Variants in UVSSA observed in about 807,000 individuals in gnomAD.
UVSSA encodes the protein UV stimulated scaffold protein A.
A neutral mutation model predicts 73.9 loss-of-function variants in UVSSA; 72 were observed. The ratio of observed to expected loss-of-function variants is 0.97; its 90% CI spans 0.81 to 1.19. UVSSA has a LOEUF of 1.19. Ranked by LOEUF, UVSSA falls within the 50% of genes most tolerant of loss-of-function variation. UVSSA has a pLI of 0.00. For missense variants in UVSSA, 1,150 were observed against 965.0 expected (o/e 1.19, Z -2.54); for synonymous variants, 454 against 391.3 (o/e 1.16, Z -1.89).
chr4:1,345,675 G>T (rs953295312), upstream of UVSSA, among the ~76,000 whole-genome samples: 3 of 114,070 alleles, frequency 2.6e-5, no homozygotes, highest in East Asian at 2.3e-4. Context: ...AAAAAAAAAA[G>T]GCTGCAGGGC....
chr4:1,376,306 A>C, intron 10 of UVSSA, 138 bp downstream of exon 10: 3 of 1,319,378 alleles, frequency 2.3e-6, no homozygotes, highest in Non-Finnish European at 3.0e-6. Flanking sequence ...CCTTCCGGGC[A>C]CCTGGAGGGG....
intron 2 of UVSSA, among the ~76,000 whole-genome samples, chr4:1,349,165 C>G (rs1714260427): frequency 6.9e-6 from 1 of 145,452 alleles, no homozygotes; most frequent in East Asian, 1.9e-4. Flanking sequence ...TGCTGTAATG[C>G]CTCAGTTGTG....
At chr4:1,374,840 T>C (rs1442152723) in intron 8 of UVSSA, 1 of 154,208 alleles carries the variant, frequency 6.5e-6, no homozygotes, top group Non-Finnish European at 1.4e-5. Context: ...CAGCGTGAGA[T>C]GTGGGTTGAA....
intron 7 of UVSSA, among the ~76,000 whole-genome samples, chr4:1,364,612 T>C (rs1487938154): frequency 5.3e-5 from 8 of 152,196 alleles, no homozygotes; most frequent in Middle Eastern, 3.2e-3. Flanking sequence ...TTTTCTCTTA[T>C]AAACCCATTA....
chr4:1,343,944 C>G (rs1713518186), upstream of UVSSA, among the ~76,000 whole-genome samples: 2 of 152,166 alleles, frequency 1.3e-5, no homozygotes, highest in African/African-American at 4.8e-5. Context: ...GCTTTTACAT[C>G]ACCTCAGTTT....
intron 10 of UVSSA, among the ~76,000 whole-genome samples, chr4:1,377,791 G>A (rs946884830): frequency 6.6e-6 from 1 of 152,268 alleles, no homozygotes; most frequent in Non-Finnish European, 1.5e-5. Context: ...TCAGCACCAC[G>A]CACCTGGTGC....
Position 1,395,845 on chromosome 4 carries a change from T to G in UVSSA, c.*9884T>G. The G allele has an allele frequency of 1.9e-6, 3 of 1,613,228 alleles. No individual in the cohort carries two copies. In the South Asian group the frequency reaches 3.3e-5, roughly 18 times the overall value. The stretch of plus-strand genomic sequence containing the variant: ...TTTTATATTTCTCTGCACCTCGAGA[T>G]AACGTAGGAATATTAGGGATGAGAT... On this transcript the variant is annotated 3_prime_UTR_variant, in exon 14 of 14. Coordinates refer to the UVSSA transcript ENST00000511216.
At chr4:1,373,330 A>G (rs1313227643) in intron 8 of UVSSA, among the ~76,000 whole-genome samples, 1 of 152,182 alleles carries the variant, frequency 6.6e-6, no homozygotes, top group Non-Finnish European at 1.5e-5. Context: ...GCACGGGAGA[A>G]TAGATGTAGG....
intron 4 of UVSSA, 137 bp downstream of exon 4, chr4:1,351,972 C>G (rs1714830311): frequency 7.2e-7 from 1 of 1,395,674 alleles, no homozygotes; most frequent in Non-Finnish European, 9.6e-7. Flanking sequence ...GGATTCAGGT[C>G]GGGCCGGAAG....
chr4:1,377,411 C>T (rs561534470), intron 10 of UVSSA, among the ~76,000 whole-genome samples: 10 of 152,296 alleles, frequency 6.6e-5, no homozygotes, highest in Non-Finnish European at 7.4e-5. Flanking sequence ...TCCACAGACA[C>T]CGCCCCTAGT....
chr4:1,368,029 G>A (rs951182340), intron 8 of UVSSA, among the ~76,000 whole-genome samples: 8 of 152,272 alleles, frequency 5.3e-5, no homozygotes, highest in Non-Finnish European at 7.3e-5. Flanking sequence ...GGACCAGGCC[G>A]TGGGTCCAGC....
At chr4:1,371,741 G>A (rs1379860164) in intron 8 of UVSSA, among the ~76,000 whole-genome samples, 3 of 152,278 alleles carry the variant, frequency 2.0e-5, no homozygotes, top group Non-Finnish European at 2.9e-5. Context: ...GGGACAGCAC[G>A]GGGAAGACCC....
At chr4:1,375,132 A>T in intron 8 of UVSSA, 1 of 611,832 alleles carries the variant, frequency 1.6e-6, no homozygotes, top group Non-Finnish European at 2.8e-6. Context: ...CGTGGCCACA[A>T]GGCGGGACTG....
chr4:1,353,808 T>G (rs556467504), intron 5 of UVSSA, among the ~76,000 whole-genome samples: 61 of 152,306 alleles, frequency 4.0e-4, no homozygotes, highest in African/African-American at 1.4e-3. Flanking sequence ...CTCACAGGCC[T>G]GTCAGGGTCC....
intron 7 of UVSSA, among the ~76,000 whole-genome samples, chr4:1,360,486 G>A (rs1037343661): frequency 6.6e-6 from 1 of 152,116 alleles, no homozygotes; most frequent in African/African-American, 2.4e-5. Flanking sequence ...GAGAAGCTGT[G>A]TAGGCCCCGG....
rs915382626 is a variant in UVSSA at position 1,354,983 on chromosome 4, G to A, written c.1048-134G>A. 3.2e-5 allele frequency: 49 copies of A among 1,527,302 alleles called. No individual in the cohort carries two copies. The Admixed American group carries it at 7.8e-4, about 24-fold the overall frequency. The allele number at this position is 1,527,302 out of a possible 1,614,324, so 94.6% of individuals were successfully genotyped here. A position where few individuals can be genotyped will look rare whatever the true frequency, so the allele number is the denominator to read the frequency against. On this transcript the variant is annotated intron_variant, in intron 6 of 13. Transcript: ENST00000389851. ...CCCGCGAGGGCTCTGTCCCTCACCC[G>A]CAGCTTTGTCCTCTGCATCCCAGGT...
chr4:1,364,237 G>A (rs1717010338), intron 7 of UVSSA, among the ~76,000 whole-genome samples: 1 of 85,118 alleles, frequency 1.2e-5, no homozygotes, highest in Non-Finnish European at 2.5e-5. Flanking sequence ...GGGCCCCGTG[G>A]CCTTGTGTGG....
intron 8 of UVSSA, among the ~76,000 whole-genome samples, chr4:1,374,321 C>T (rs760352763): frequency 7.2e-5 from 11 of 152,226 alleles, no homozygotes; most frequent in South Asian, 2.1e-4. Flanking sequence ...CCTGCCATCC[C>T]GACGCCTCAG....
intron 12 of UVSSA, 149 bp from the exon 13 acceptor site, chr4:1,383,617 C>G (rs1719750366): frequency 1.1e-6 from 1 of 877,236 alleles, no homozygotes; most frequent in Non-Finnish European, 1.8e-6. Flanking sequence ...TGAGCATCCT[C>G]TCAGGCTTGC....
Sources: allele counts gnomAD v4.1 joint callset (sites outside exome capture counted in the v4.1 genomes callset), GRCh38; gene constraint gnomAD v4.1.1; transcripts MANE v1.5; gene names NCBI Gene and HGNC (gene_info 2026-07-23, HGNC 2026-07-21).